Variants in SYNPO2 observed in about 807,000 individuals in gnomAD.
The protein encoded by SYNPO2 is synaptopodin-2.
In SYNPO2, 56 loss-of-function variants were observed where a neutral mutation model predicts 85.0. The ratio of observed to expected loss-of-function variants is 0.66; its 90% CI spans 0.53 to 0.82. The LOEUF is 0.82. SYNPO2 is among the 40% of genes least tolerant of loss of function. The pLI is 0.00. For missense variants in SYNPO2, 1,575 were observed against 1,534.2 expected (o/e 1.03, Z -0.44); for synonymous variants, 602 against 591.1 (o/e 1.02, Z -0.27).
At chr4:118,988,422 G>C (rs892292365) in intron 1 of SYNPO2, among the ~76,000 whole-genome samples, 4 of 152,144 alleles carry the variant, frequency 2.6e-5, no homozygotes, top group Non-Finnish European at 4.4e-5. Context: ...TAAAAGCAGA[G>C]GTTCCTAACA....
At chr4:118,877,004 C>T (rs1267404558) in intron 1 of SYNPO2, among the ~76,000 whole-genome samples, 1 of 151,602 alleles carries the variant, frequency 6.6e-6, no homozygotes, top group African/African-American at 2.4e-5. Context: ...CAAGGTCTCC[C>T]TATGTTGCCT....
chr4:119,032,182 T>TG, intron 4 of SYNPO2, 155 bp downstream of exon 4: 1 of 1,462,998 alleles, frequency 6.8e-7, no homozygotes, highest in Non-Finnish European at 9.0e-7. Context: ...CCTCCTAATC[T>TG]GGGTCCAAGG....
chr4:118,977,018 G>T (rs1735781655), intron 1 of SYNPO2, among the ~76,000 whole-genome samples: 1 of 152,336 alleles, frequency 6.6e-6, no homozygotes, highest in Admixed American at 6.5e-5. Flanking sequence ...GCTGCAGCTG[G>T]AGCTGCCTGC....
chr4:119,008,435 CTT>C (rs530354869), intron 1 of SYNPO2, among the ~76,000 whole-genome samples: 9 of 139,744 alleles, frequency 6.4e-5, no homozygotes, highest in African/African-American at 1.8e-4. Flanking sequence ...ATTGCACAGG[CTT>C]TTTTTTTTTT....
rs921963636 is a variant in SYNPO2, at chr4:118,854,938, C to A, written c.12+3998C>A. ...ATTAATCAAATTTAAAATGCTTGAG[C>A]CCTTAACATTTTTGTAAATGGAGCT... On this transcript the variant is annotated intron_variant, in intron 1 of 4. Coordinates refer to the SYNPO2 transcript ENST00000610556. 2.6e-5 allele frequency among the ~76,000 whole-genome samples: 4 copies of A among 152,008 alleles called. No individual in the cohort carries two copies. In the South Asian group the frequency reaches 6.2e-4, roughly 24 times the overall value.
chr4:118,985,948 C>T (rs1406452557), intron 1 of SYNPO2, among the ~76,000 whole-genome samples: 4 of 152,192 alleles, frequency 2.6e-5, no homozygotes, highest in African/African-American at 9.7e-5. Flanking sequence ...CCGATGTGAA[C>T]AACTCTTCAG....
rs2149196543 is a variant in SYNPO2, at chr4:119,040,378, T to TTTC, written c.3252+8356_3252+8358dup. On this transcript the variant is annotated intron_variant, in intron 4 of 4. Transcript: ENST00000307142. ...CCCAGGAGTCGTTGAGAGATCTTTG[T>TTTC]TTCTTCTCTTTTTTCTTCTTACTGA... 2.0e-5 allele frequency among the ~76,000 whole-genome samples: 3 copies of TTTC among 152,302 alleles called. No individual in the cohort carries two copies. The South Asian group carries it at 6.2e-4, about 32-fold the overall frequency.
chr4:118,987,844 C>A (rs1381588596), intron 1 of SYNPO2, among the ~76,000 whole-genome samples: 2 of 152,090 alleles, frequency 1.3e-5, no homozygotes, highest in African/African-American at 2.4e-5. Context: ...CTTTAACATA[C>A]CTTTTATATA....
intron 1 of SYNPO2, among the ~76,000 whole-genome samples, chr4:118,922,638 T>G (rs1733577140): frequency 6.6e-6 from 1 of 151,988 alleles, no homozygotes; most frequent in African/African-American, 2.4e-5. Flanking sequence ...AAGGGACACA[T>G]ATCATCTTTG....
rs112478796 is a variant in SYNPO2, at chr4:119,028,337, AG to A, written c.1069+900del. On this transcript the variant is annotated intron_variant, in intron 3 of 4. Transcript: ENST00000307142. ...AATGGCAATGAATTCGGTTATTCAA[AG>A]TAGGATATTAAGTCTTCTAACCTAT... Among the ~76,000 whole-genome samples the A allele has an allele frequency of 1.6e-3, 249 of 152,122 alleles. 3 individuals carry two copies. Among genetic ancestry groups the A allele is most frequent in the African/African-American group, 5.7e-3 (235 of 41,540 alleles).
intron 4 of SYNPO2, chr4:119,033,246 T>C: frequency 1.0e-6 from 1 of 985,402 alleles, no homozygotes; most frequent in Non-Finnish European, 1.2e-6. Context: ...TCACAGATTT[T>C]TTTTCTTGTG....
At chr4:119,014,091 C>T (rs1397080686) in intron 1 of SYNPO2, among the ~76,000 whole-genome samples, 1 of 152,200 alleles carries the variant, frequency 6.6e-6, no homozygotes, top group Non-Finnish European at 1.5e-5. Flanking sequence ...AGAAGCACAT[C>T]TGAGAATCCA....
At chr4:118,995,369 C>A (rs1329426515) in intron 1 of SYNPO2, among the ~76,000 whole-genome samples, 1 of 152,052 alleles carries the variant, frequency 6.6e-6, no homozygotes, top group Non-Finnish European at 1.5e-5. Context: ...ATGATAGCAA[C>A]TATTATTTAC....
chr4:119,004,460 A>T (rs550034740), intron 1 of SYNPO2, among the ~76,000 whole-genome samples: 1 of 146,178 alleles, frequency 6.8e-6, no homozygotes, highest in Admixed American at 7.0e-5. Flanking sequence ...CCCACCTATG[A>T]GTGAGAACAT....
At chr4:118,949,043 G>A (rs1022228262) in intron 1 of SYNPO2, among the ~76,000 whole-genome samples, 12 of 152,152 alleles carry the variant, frequency 7.9e-5, no homozygotes, top group Non-Finnish European at 1.5e-4. Flanking sequence ...GAATTTAAAA[G>A]CTTTCCAGGT....
intron 1 of SYNPO2, among the ~76,000 whole-genome samples, chr4:118,985,088 G>C (rs1228948023): frequency 2.0e-5 from 3 of 152,196 alleles, no homozygotes; most frequent in African/African-American, 7.2e-5. Flanking sequence ...CTGGTTCAGA[G>C]TCTCTGGGGT....
At chr4:119,002,146 A>G (rs1176977800) in intron 1 of SYNPO2, among the ~76,000 whole-genome samples, 1 of 152,154 alleles carries the variant, frequency 6.6e-6, no homozygotes, top group African/African-American at 2.4e-5. Context: ...ATAATTGACA[A>G]CTGTCTTTCT....
In SYNPO2 at chr4:119,034,539, T is replaced by C. The variant is rs978520367; in HGVS notation, c.3252+2512T>C. The C allele has an allele frequency of 6.1e-6, 6 of 985,410 alleles. No individual in the cohort carries two copies. The African/African-American group carries it at 1.0e-4, about 17-fold the overall frequency. 61.0% of individuals were successfully genotyped at this position (985,410 alleles called of 1,614,324 possible). A position where few individuals can be genotyped will look rare whatever the true frequency, so the allele number is the denominator to read the frequency against. ...GTTCTCCAAAACCTTGTAAGAGGCA[T>C]GTCAGGCATGCAGTAAAAGCATCTA... On this transcript the variant is annotated intron_variant, in intron 4 of 4. Transcript: ENST00000307142.
chr4:118,879,641 C>G (rs961437933), intron 1 of SYNPO2, among the ~76,000 whole-genome samples: 2 of 152,162 alleles, frequency 1.3e-5, no homozygotes, highest in African/African-American at 4.8e-5. Context: ...TTAAATCGCC[C>G]AGCGTATGAT....
Sources: allele counts gnomAD v4.1 joint callset (sites outside exome capture counted in the v4.1 genomes callset), GRCh38; gene constraint gnomAD v4.1.1; transcripts MANE v1.5; gene names NCBI Gene and HGNC (gene_info 2026-07-23, HGNC 2026-07-21).